B3GALT1: variants seen among roughly 807,000 people sequenced by gnomAD.
B3GALT1 encodes UDP-Gal:betaGlcNAc beta 1,3-galactosyltransferase, polypeptide 1.
A neutral mutation model predicts 23.2 loss-of-function variants in B3GALT1; 10 were observed. That is an observed-to-expected ratio of 0.43 (90% CI 0.27 to 0.73). The LOEUF is 0.73. Among genes scored for constraint, B3GALT1 ranks in the 30% least tolerant of loss-of-function variants. B3GALT1 has a pLI of 0.21. For synonymous variants in B3GALT1, 156 were observed against 141.5 expected, an observed-to-expected ratio of 1.10 and a Z score of -0.73; for missense variants, 299 against 405.4, an observed-to-expected ratio of 0.74 and a Z score of 2.25.
chr2:167,376,881 G>C (rs1697772868), intron 1 of B3GALT1, among the ~76,000 whole-genome samples: 1 of 151,896 alleles, frequency 6.6e-6, no homozygotes, highest in African/African-American at 2.4e-5. Context: ...TTCTTCTGCT[G>C]GCGTTGAGAT....
chr2:167,450,408 CT>C (rs1699071134), intron 1 of B3GALT1, among the ~76,000 whole-genome samples: 2 of 152,160 alleles, frequency 1.3e-5, no homozygotes, highest in South Asian at 2.1e-4. Flanking sequence ...CTTGAATGAT[CT>C]TTGGTTTGTC....
At chr2:167,294,291 G>C (rs1018950218) in intron 1 of B3GALT1, among the ~76,000 whole-genome samples, 1 of 152,246 alleles carries the variant, frequency 6.6e-6, no homozygotes, top group Non-Finnish European at 1.5e-5. Flanking sequence ...AGGCCCGCTG[G>C]GGTCTGGTCC....
intron 2 of B3GALT1, among the ~76,000 whole-genome samples, chr2:167,563,945 G>GCC (rs1440646806): frequency 0.059 from 166 of 2,812 alleles, 3 homozygotes; most frequent in Non-Finnish European, 0.084. Flanking sequence ...CGGCTGGCCA[G>GCC]GCGGGGCCGA....
At chr2:167,588,050 G>T (rs908806349) in intron 2 of B3GALT1, among the ~76,000 whole-genome samples, 2 of 152,116 alleles carry the variant, frequency 1.3e-5, no homozygotes, top group Admixed American at 6.5e-5. Context: ...ATGAAAATTT[G>T]CTTACTGATC....
At chr2:167,369,150 G>T (rs1279399268) in intron 1 of B3GALT1, among the ~76,000 whole-genome samples, 2 of 151,092 alleles carry the variant, frequency 1.3e-5, no homozygotes, top group Non-Finnish European at 2.9e-5. Flanking sequence ...GTGGAGAAGG[G>T]ATTAATCTAT....
At chr2:167,510,882 T>C (rs1056254169) in intron 2 of B3GALT1, among the ~76,000 whole-genome samples, 16 of 152,148 alleles carry the variant, frequency 1.1e-4, no homozygotes, top group African/African-American at 3.6e-4. Context: ...AATATGGGAA[T>C]CATTAGCATA....
chr2:167,384,263 T>G (rs1697887373), intron 1 of B3GALT1, among the ~76,000 whole-genome samples: 1 of 152,158 alleles, frequency 6.6e-6, no homozygotes, highest in African/African-American at 2.4e-5. Context: ...TTCTGGATCC[T>G]TAAAGATAAG....
chr2:167,413,226 G>A (rs1698418846), intron 1 of B3GALT1, among the ~76,000 whole-genome samples: 1 of 151,950 alleles, frequency 6.6e-6, no homozygotes, highest in Non-Finnish European at 1.5e-5. Context: ...GAGAACATAA[G>A]ACATTATATT....
chr2:167,345,020 A>T (rs1471413969), intron 1 of B3GALT1, among the ~76,000 whole-genome samples: 1 of 152,200 alleles, frequency 6.6e-6, no homozygotes, highest in Non-Finnish European at 1.5e-5. Context: ...AAAAATCCTA[A>T]TAAAATATTT....
At chr2:167,789,115 C>T (rs906374038) in intron 3 of B3GALT1, among the ~76,000 whole-genome samples, 2 of 152,202 alleles carry the variant, frequency 1.3e-5, no homozygotes, top group Non-Finnish European at 1.5e-5. Context: ...CATTAACTCG[C>T]ATGTCACATA....
chr2:167,570,858 A>G (rs1000072949), intron 2 of B3GALT1, among the ~76,000 whole-genome samples: 3 of 151,986 alleles, frequency 2.0e-5, no homozygotes, highest in Non-Finnish European at 2.9e-5. Context: ...CTCAGTACAC[A>G]TTAGCAAATC....
intron 1 of B3GALT1, among the ~76,000 whole-genome samples, chr2:167,429,657 G>T (rs542485149): frequency 6.6e-6 from 1 of 152,144 alleles, no homozygotes; most frequent in African/African-American, 2.4e-5. Flanking sequence ...AAAAGCAAAG[G>T]CTTTGAGGAT....
intron 3 of B3GALT1, among the ~76,000 whole-genome samples, chr2:167,802,170 C>T (rs1688648953): frequency 6.6e-6 from 1 of 152,252 alleles, no homozygotes; most frequent in Non-Finnish European, 1.5e-5. Context: ...ACTTGTACTG[C>T]AGTCCTCCCT....
At chr2:167,352,026 C>T (rs1697317003) in intron 1 of B3GALT1, among the ~76,000 whole-genome samples, 1 of 144,144 alleles carries the variant, frequency 6.9e-6, no homozygotes, top group African/African-American at 2.7e-5. Context: ...GTGGCACGAT[C>T]TTGGCTCACT....
intron 1 of B3GALT1, among the ~76,000 whole-genome samples, chr2:167,365,041 G>T (rs924872405): frequency 2.3e-4 from 35 of 152,292 alleles, no homozygotes; most frequent in African/African-American, 7.9e-4. Flanking sequence ...AATGTGTACT[G>T]TAAGAATCCA....
intron 1 of B3GALT1, among the ~76,000 whole-genome samples, chr2:167,409,372 C>G (rs1369776855): frequency 6.6e-6 from 1 of 152,154 alleles, no homozygotes; most frequent in Admixed American, 6.5e-5. Flanking sequence ...TTCTCCCTGT[C>G]ACTTTCAGGT....
chr2:167,359,931 ACAAT>A (rs1488338233), intron 1 of B3GALT1, among the ~76,000 whole-genome samples: 2 of 152,128 alleles, frequency 1.3e-5, no homozygotes, highest in Non-Finnish European at 2.9e-5. Context: ...TTAAGATATA[ACAAT>A]CAAGTACTGT....
chr2:167,466,138 A>G (rs73022078), intron 1 of B3GALT1, among the ~76,000 whole-genome samples: 2 of 152,150 alleles, frequency 1.3e-5, no homozygotes, highest in African/African-American at 4.8e-5. Context: ...AATTCTTCTT[A>G]AGGAAATGTT....
chr2:167,671,622 C>A (rs193018690), intron 3 of B3GALT1, among the ~76,000 whole-genome samples: 116 of 151,914 alleles, frequency 7.6e-4, no homozygotes, highest in Non-Finnish European at 1.4e-3. Flanking sequence ...AGTGGAAAGA[C>A]TATGGGATGC....
Sources: gnomAD v4.1 joint callset for allele counts (sites outside exome capture counted in the v4.1 genomes callset) on GRCh38, gnomAD v4.1.1 for gene constraint, MANE v1.5 for transcripts, NCBI Gene and HGNC (gene_info 2026-07-23, HGNC 2026-07-21) for gene names.